LRMDA: variants seen among roughly 807,000 people sequenced by gnomAD.
LRMDA encodes leucine rich melanocyte differentiation associated.
A neutral mutation model predicts 29.8 loss-of-function variants in LRMDA; 18 were observed. The observed-to-expected ratio is 0.60, with a 90% CI of 0.42 to 0.90. The LOEUF (loss-of-function observed/expected upper bound fraction) is 0.90. Ranked by LOEUF, LRMDA falls within the 40% of genes least tolerant of loss-of-function variation. LRMDA has a pLI of 0.00. For missense variants in LRMDA, 273 were observed against 273.9 expected (o/e 1.00, Z 0.02); for synonymous variants, 125 against 109.4 (o/e 1.14, Z -0.89).
intron 2 of LRMDA, among the ~76,000 whole-genome samples, chr10:75,475,649 A>G (rs1369811284): frequency 6.6e-6 from 1 of 152,186 alleles, no homozygotes; most frequent in Non-Finnish European, 1.5e-5. Context: ...TTCTCCTATA[A>G]TAGAATCCTC....
rs532390279 is a variant in LRMDA, at chr10:75,778,046, T to G, written c.132-257962T>G. Among the ~76,000 whole-genome samples, 15 of 152,118 alleles carry G rather than the reference T, an allele frequency of 9.9e-5. No individual in the cohort carries two copies. The South Asian group carries it at 3.1e-3, about 32-fold the overall frequency. On this transcript the variant is annotated intron_variant, in intron 2 of 6. Coordinates refer to ENST00000611255, the MANE Select transcript of LRMDA (RefSeq NM_001305581.2). ...GGGGAGATCCACCCTAGCCCCAGAG[T>G]AGAGATGAATCTTCCCTCTTGTCCA...
chr10:76,108,536 A>G (rs1361587969), intron 5 of LRMDA, among the ~76,000 whole-genome samples: 1 of 152,228 alleles, frequency 6.6e-6, no homozygotes, highest in Non-Finnish European at 1.5e-5. Flanking sequence ...ACATCATTAA[A>G]GAAAAGAATG....
intron 2 of LRMDA, among the ~76,000 whole-genome samples, chr10:75,844,233 G>A (rs1844593252): frequency 6.6e-6 from 1 of 152,188 alleles, no homozygotes; most frequent in African/African-American, 2.4e-5. Flanking sequence ...CCATGTCAGA[G>A]CAATGGCCTA....
intron 2 of LRMDA, among the ~76,000 whole-genome samples, chr10:75,453,088 G>A (rs545071694): frequency 6.6e-6 from 1 of 152,236 alleles, no homozygotes; most frequent in African/African-American, 2.4e-5. Flanking sequence ...TTTAATATGG[G>A]TCAAAGAGAA....
At chr10:75,692,310 T>C (rs926301390) in intron 2 of LRMDA, among the ~76,000 whole-genome samples, 8 of 146,192 alleles carry the variant, frequency 5.5e-5, no homozygotes, top group African/African-American at 2.0e-4. Flanking sequence ...CATATATACA[T>C]ACATATATAC....
intron 5 of LRMDA, among the ~76,000 whole-genome samples, chr10:76,272,693 G>T (rs978116514): frequency 5.9e-5 from 9 of 152,100 alleles, no homozygotes; most frequent in African/African-American, 2.2e-4. Flanking sequence ...CTGCTATAAA[G>T]ATACTACCTG....
At chr10:76,452,970 A>G (rs1453581580) in intron 6 of LRMDA, among the ~76,000 whole-genome samples, 1 of 152,160 alleles carries the variant, frequency 6.6e-6, no homozygotes, top group East Asian at 1.9e-4. Context: ...ACTTCTATAT[A>G]TTTGAATCTC....
chr10:76,079,185 T>G (rs1002080108), intron 5 of LRMDA, among the ~76,000 whole-genome samples: 1 of 152,242 alleles, frequency 6.6e-6, no homozygotes, highest in Non-Finnish European at 1.5e-5. Context: ...TGTTATAGAC[T>G]GAATATTTTA....
chr10:75,654,707 C>T (rs762774332), intron 2 of LRMDA, among the ~76,000 whole-genome samples: 2 of 152,160 alleles, frequency 1.3e-5, no homozygotes, highest in African/African-American at 2.4e-5. Context: ...AGTAATGCAA[C>T]TTAAAAGAAA....
intron 6 of LRMDA, among the ~76,000 whole-genome samples, chr10:76,326,584 A>G (rs1270778912): frequency 1.3e-5 from 2 of 152,292 alleles, no homozygotes; most frequent in East Asian, 3.9e-4. Context: ...TGGAAGTTCT[A>G]TTTGCAAATA....
chr10:76,512,750 C>G (rs1006845456), intron 6 of LRMDA, among the ~76,000 whole-genome samples: 4 of 151,796 alleles, frequency 2.6e-5, no homozygotes, highest in Admixed American at 6.6e-5. Context: ...AAGATAGTAC[C>G]CCTTGTATTA....
At chr10:76,027,505 A>G (rs1848081147) in intron 2 of LRMDA, among the ~76,000 whole-genome samples, 1 of 152,194 alleles carries the variant, frequency 6.6e-6, no homozygotes, top group African/African-American at 2.4e-5. Flanking sequence ...GGAGATATAG[A>G]TAGGTATCAC....
chr10:76,477,129 C>T (rs1388151943), intron 6 of LRMDA, among the ~76,000 whole-genome samples: 4 of 152,128 alleles, frequency 2.6e-5, no homozygotes, highest in African/African-American at 9.7e-5. Flanking sequence ...TTGCAGATGA[C>T]ATCATTGTAT....
At chr10:75,562,280 A>G (rs1840307970) in intron 2 of LRMDA, among the ~76,000 whole-genome samples, 1 of 152,114 alleles carries the variant, frequency 6.6e-6, no homozygotes, top group South Asian at 2.1e-4. Flanking sequence ...CTTTACCATT[A>G]TGTAATGGCC....
At chr10:75,461,500 T>A (rs947334717) in intron 2 of LRMDA, among the ~76,000 whole-genome samples, 4 of 152,154 alleles carry the variant, frequency 2.6e-5, no homozygotes, top group Non-Finnish European at 4.4e-5. Flanking sequence ...TTTTCTCAAA[T>A]GCCAAGGTAC....
chr10:75,554,245 A>T (rs922283336), intron 2 of LRMDA, among the ~76,000 whole-genome samples: 1 of 152,184 alleles, frequency 6.6e-6, no homozygotes, highest in Non-Finnish European at 1.5e-5. Context: ...GAATTCCTAG[A>T]TGATATTTTA....
intron 2 of LRMDA, among the ~76,000 whole-genome samples, chr10:75,836,469 C>T (rs1844438963): frequency 6.6e-6 from 1 of 152,172 alleles, no homozygotes; most frequent in African/African-American, 2.4e-5. Context: ...GACTCATATA[C>T]AATATTTCTG....
intron 6 of LRMDA, among the ~76,000 whole-genome samples, chr10:76,383,591 C>T (rs1041246731): frequency 6.0e-5 from 9 of 148,798 alleles, no homozygotes; most frequent in Admixed American, 3.3e-4. Context: ...CCACCACGCC[C>T]GGCTAATTTT....
chr10:75,658,295 G>GAAA (rs10649469), intron 2 of LRMDA, among the ~76,000 whole-genome samples: 2,778 of 76,582 alleles, frequency 0.036, 136 homozygotes, highest in African/African-American at 0.091. Context: ...CAAAGAAAAT[G>GAAA]AAAAAAAAAA....
Sources: gnomAD v4.1 joint callset for allele counts (sites outside exome capture counted in the v4.1 genomes callset) on GRCh38, gnomAD v4.1.1 for gene constraint, MANE v1.5 for transcripts, NCBI Gene and HGNC (gene_info 2026-07-23, HGNC 2026-07-21) for gene names.